The following OR8G5 variants were observed in gnomAD, a reference collection of about 807,000 sequenced individuals.
The protein encoded by OR8G5 is olfactory receptor family 8 subfamily G member 5.
For missense variants in OR8G5, 347 were observed against 371.9 expected (o/e 0.93, Z 0.55); for synonymous variants, 147 against 147.7 (o/e 1.00, Z 0.03).
intron 1 of OR8G5, among the ~76,000 whole-genome samples, chr11:124,262,375 A>G (rs1861979972): frequency 1.3e-5 from 2 of 151,932 alleles, no homozygotes; most frequent in South Asian, 4.1e-4. Context: ...AAAATGTTTC[A>G]TAATTTGTAA....
chr11:124,265,004 C>G lies in OR8G5; in HGVS notation c.73C>G (p.Leu25Val), dbSNP rs745380571. The change falls in exon 2 of 2, where the codon CTG becomes GTG. Residue 25 changes from leucine to valine, a missense_variant. Physicochemically the swap from Leu to Val is conservative, Grantham distance 32 (BLOSUM62 1). Transcript: ENST00000641992. Reference sequence around the variant, plus strand: ...GCTAACAGAGAAGTCAGAGCTACAGCTGCCCCTCTTCCTCGTCTTCCTGGG... The same window carrying G: ...GCTAACAGAGAAGTCAGAGCTACAGGTGCCCCTCTTCCTCGTCTTCCTGGG... ...VGLTEKSELQLPLFLVFLGIY... is the reference protein window; with the variant it reads ...VGLTEKSELQVPLFLVFLGIY... 2 of 1,613,870 alleles carry G rather than the reference C, an allele frequency of 1.2e-6. No homozygotes were observed.
intron 1 of OR8G5, among the ~76,000 whole-genome samples, chr11:124,259,398 G>A (rs1223108740): frequency 6.6e-6 from 1 of 152,076 alleles, no homozygotes; most frequent in Admixed American, 6.6e-5. Context: ...AATTAGAGAG[G>A]GGGTAGCAAT....
At chr11:124,263,613 C>G (rs1219035533) in intron 1 of OR8G5, among the ~76,000 whole-genome samples, 1 of 150,516 alleles carries the variant, frequency 6.6e-6, no homozygotes, top group Non-Finnish European at 1.5e-5. Context: ...GTTTTTTGTC[C>G]TTGCGATAGT....
chr11:124,260,926 A>G (rs929010449), intron 1 of OR8G5, among the ~76,000 whole-genome samples: 2 of 151,942 alleles, frequency 1.3e-5, no homozygotes, highest in Non-Finnish European at 2.9e-5. Flanking sequence ...TATTCCTTCT[A>G]TCTAACTGTA....
chr11:124,265,389 T>C lies in OR8G5; in HGVS notation c.458T>C (p.Leu153Pro). 1 of 1,614,056 alleles carries C rather than the reference T, an allele frequency of 6.2e-7. No individual in the cohort carries two copies. The highest frequency in any genetic ancestry group is 8.5e-7 in the Non-Finnish European group (1 of 1,179,886). The change falls in exon 2 of 2, where the codon CTG becomes CCG. Residue 153 changes from leucine (L) to proline (P), a missense_variant. Leu to Pro is a moderately conservative substitution (Grantham distance 98, BLOSUM62 -3). Transcript: ENST00000641992. ...ATTTTAGTGGTGTATGTAATAGGCCTGATTTGTGCGTCAGCTCATATAGGC... is the reference window on the plus strand; with the variant it reads ...ATTTTAGTGGTGTATGTAATAGGCCCGATTTGTGCGTCAGCTCATATAGGC... ...SLILVVYVIG[L>P]ICASAHIGCM...
chr11:124,260,511 TAAAA>T (rs903640081), intron 1 of OR8G5, among the ~76,000 whole-genome samples: 1 of 151,726 alleles, frequency 6.6e-6, no homozygotes, highest in Non-Finnish European at 1.5e-5. Context: ...ACTTAAAAGT[TAAAA>T]AAAGAATTAC....
chr11:124,258,799 C>T (rs1283509961), intron 1 of OR8G5, among the ~76,000 whole-genome samples: 3 of 152,038 alleles, frequency 2.0e-5, no homozygotes, highest in Non-Finnish European at 4.4e-5. Context: ...GACTAAACAC[C>T]AGCACTTCAG....
At chr11:124,258,052 T>A (rs1861929325) in intron 1 of OR8G5, among the ~76,000 whole-genome samples, 1 of 152,136 alleles carries the variant, frequency 6.6e-6, no homozygotes. Flanking sequence ...CTTTTCCCCA[T>A]TGAATTATCT....
chr11:124,265,116 T>G lies in OR8G5; in HGVS notation c.185T>G (p.Phe62Cys), dbSNP rs1293178317. ...SSHLHTPMYCFLSSLSFIDFC... is the reference protein window; with the variant it reads ...SSHLHTPMYCCLSSLSFIDFC... Reference sequence around the variant, plus strand: ...CACCTGCACACACCTATGTACTGTTTCCTCAGCAGTCTGTCCTTCATTGAC... The same window carrying G: ...CACCTGCACACACCTATGTACTGTTGCCTCAGCAGTCTGTCCTTCATTGAC... Residue 62 changes from phenylalanine to cysteine, a missense_variant, in exon 2 of 2, where the codon TTC becomes TGC. Phe to Cys is a radical substitution (Grantham distance 205). Transcript: ENST00000641992. The G allele has an allele frequency of 1.2e-6, 2 of 1,614,030 alleles. No homozygotes were observed. The highest frequency in any genetic ancestry group is 1.7e-6 in the Non-Finnish European group (2 of 1,180,010).
chr11:124,262,335 A>C (rs1861979507), intron 1 of OR8G5, among the ~76,000 whole-genome samples: 1 of 151,764 alleles, frequency 6.6e-6, no homozygotes, highest in African/African-American at 2.4e-5. Context: ...AATATTTTTT[A>C]AATGTTAATT....
intron 1 of OR8G5, 41 bp from the exon 2 acceptor site, chr11:124,264,877 T>C (rs763561262): frequency 4.6e-5 from 74 of 1,608,262 alleles, no homozygotes; most frequent in Non-Finnish European, 6.0e-5. Flanking sequence ...AGAATAACAA[T>C]ACAATTCACC....
chr11:124,257,607 G>A (rs914698586), intron 1 of OR8G5, among the ~76,000 whole-genome samples: 2 of 152,142 alleles, frequency 1.3e-5, no homozygotes, highest in African/African-American at 4.8e-5. Context: ...AGTCCCCCAG[G>A]TAATCTCTTG....
In OR8G5 at chr11:124,263,170, G is replaced by A. The variant is rs908713264; in HGVS notation, c.-14-1748G>A. Among the ~76,000 whole-genome samples the A allele has an allele frequency of 6.6e-5, 10 of 152,100 alleles. No individual in the cohort carries two copies. The East Asian group carries it at 9.7e-4, about 15-fold the overall frequency. ...TTTCACTAGTAGTTAATATTTGGTT[G>A]TCTGTGTACTATTATTTGCATATGT... On this transcript the variant is annotated intron_variant, in intron 1 of 1. Coordinates refer to ENST00000641992, the MANE Select transcript of OR8G5 (RefSeq NM_001005198.2).
intron 1 of OR8G5, among the ~76,000 whole-genome samples, chr11:124,258,093 G>C (rs953116032): frequency 2.6e-5 from 4 of 152,112 alleles, no homozygotes; most frequent in African/African-American, 9.7e-5. Flanking sequence ...AACATCTAAA[G>C]GGTGTATTCT....
intron 1 of OR8G5, among the ~76,000 whole-genome samples, chr11:124,260,591 G>A (rs1420875612): frequency 6.6e-6 from 1 of 151,758 alleles, no homozygotes; most frequent in Non-Finnish European, 1.5e-5. Context: ...ATTGAATTAT[G>A]TTAAATCTAT....
At chr11:124,261,654 A>G (rs1861972631) in intron 1 of OR8G5, among the ~76,000 whole-genome samples, 1 of 151,978 alleles carries the variant, frequency 6.6e-6, no homozygotes, top group Non-Finnish European at 1.5e-5. Flanking sequence ...TGCATATTAA[A>G]TGCCTCAACA....
In OR8G5 at chr11:124,265,019, G is replaced by A. The variant is rs144607097; in HGVS notation, c.88G>A (p.Val30Ile). 1.4e-4 allele frequency: 220 copies of A among 1,613,986 alleles called. 1 individual carries two copies. In the African/African-American group the frequency reaches 2.1e-3, roughly 15 times the overall value. The change falls in exon 2 of 2, where the codon GTC (valine) becomes ATC (isoleucine). Residue 30 changes from valine to isoleucine, a missense_variant. Physicochemically the swap from Val to Ile is conservative, Grantham distance 29. Transcript: ENST00000641992. ...KSELQLPLFL[V>I]FLGIYVVTVL... is the part of the protein sequence containing the mutation. ...AGAGCTACAGCTGCCCCTCTTCCTC[G>A]TCTTCCTGGGAATCTATGTAGTCAC...
chr11:124,257,234 G>A (rs142493078), intron 1 of OR8G5, among the ~76,000 whole-genome samples: 1,725 of 152,200 alleles, frequency 0.011, 17 homozygotes, highest in Non-Finnish European at 0.02. Flanking sequence ...AAGATGGATC[G>A]TCATGCTGTG....
intron 1 of OR8G5, among the ~76,000 whole-genome samples, chr11:124,258,673 C>T (rs1861935796): frequency 1.3e-5 from 2 of 151,934 alleles, no homozygotes; most frequent in South Asian, 4.2e-4. Flanking sequence ...TCATAGTGCC[C>T]ATAGAAGATG....
Sources: gnomAD v4.1 joint callset for allele counts (sites outside exome capture counted in the v4.1 genomes callset) on GRCh38, gnomAD v4.1.1 for gene constraint, MANE v1.5 for transcripts, NCBI Gene and HGNC (gene_info 2026-07-23, HGNC 2026-07-21) for gene names.